LRBA: variants seen among roughly 807,000 people sequenced by gnomAD.
LRBA encodes the protein lipopolysaccharide-responsive and beige-like anchor protein.
In LRBA, 176 loss-of-function variants were observed where a neutral mutation model predicts 330.0. The observed-to-expected ratio is 0.53, with a 90% CI of 0.47 to 0.60. The LOEUF is 0.60. Ranked by LOEUF, LRBA falls within the 20% of genes least tolerant of loss-of-function variation. LRBA has a pLI of 0.00. For missense variants in LRBA, 3,259 were observed against 3,444.8 expected (o/e 0.95, Z 1.35); for synonymous variants, 1,230 against 1,193.0 (o/e 1.03, Z -0.64).
chr4:150,659,712 CGGG>C (rs1780758820), intron 37 of LRBA, among the ~76,000 whole-genome samples: 1 of 6,728 alleles, frequency 1.5e-4, no homozygotes, highest in African/African-American at 1.9e-4. Context: ...CCGTGCCATC[CGGG>C]AGGGAGGTGG....
intron 53 of LRBA, among the ~76,000 whole-genome samples, chr4:150,302,004 G>C (rs1228364231): frequency 6.6e-6 from 1 of 152,092 alleles, no homozygotes; most frequent in African/African-American, 2.4e-5. Context: ...TGTGCGATTG[G>C]TTTTAATGGT....
intron 32 of LRBA, among the ~76,000 whole-genome samples, chr4:150,807,478 G>T (rs1188879726): frequency 6.6e-6 from 1 of 152,122 alleles, no homozygotes; most frequent in Non-Finnish European, 1.5e-5. Context: ...GGACTCTCTG[G>T]ACACTAAGTC....
At chr4:150,715,174 C>T (rs576431523) in intron 36 of LRBA, among the ~76,000 whole-genome samples, 1 of 152,278 alleles carries the variant, frequency 6.6e-6, no homozygotes, top group South Asian at 2.1e-4. Flanking sequence ...CACAATCAGA[C>T]CTCGTATTGA....
At chr4:150,792,310 A>G (rs1034506196) in intron 34 of LRBA, among the ~76,000 whole-genome samples, 1 of 152,126 alleles carries the variant, frequency 6.6e-6, no homozygotes, top group Non-Finnish European at 1.5e-5. Flanking sequence ...TTCAGCAGTA[A>G]GTAAAACTAA....
At chr4:150,806,477 T>C in intron 32 of LRBA, 73 bp from the exon 33 acceptor site, 3 of 916,222 alleles carry the variant, frequency 3.3e-6, no homozygotes, top group Non-Finnish European at 4.5e-6. Flanking sequence ...AAAATAAAGA[T>C]GTATTTCCAT....
At chr4:150,994,686 A>G (rs1742452554) in intron 2 of LRBA, among the ~76,000 whole-genome samples, 1 of 152,226 alleles carries the variant, frequency 6.6e-6, no homozygotes, top group African/African-American at 2.4e-5. Context: ...ACAAATTTTA[A>G]CAAAGACCAT....
Position 150,831,944 on chromosome 4 carries a change from C to T in LRBA, c.4602G>A (p.Leu1534=). ...GAACAGAGATAAAGTATACTACTGC[C>T]AAGGCTAAAAATTGAGCTTGTTTGC... ...EDSKQAQFLA[L]AVVYFISVLM... Residue 1534 remains leucine, a synonymous_variant, in exon 29 of 57, where the codon TTG becomes TTA. Transcript: ENST00000651943. 1 of 1,544,156 alleles carries T rather than the reference C, an allele frequency of 6.5e-7. No individual in the cohort carries two copies. The highest frequency in any genetic ancestry group is 8.8e-7 in the Non-Finnish European group (1 of 1,141,656).
intron 48 of LRBA, among the ~76,000 whole-genome samples, chr4:150,345,305 T>C (rs1561044027): frequency 6.6e-6 from 1 of 152,200 alleles, no homozygotes; most frequent in African/African-American, 2.4e-5. Flanking sequence ...AGTAAAAGGT[T>C]GTTGAAAAAA....
At chr4:150,722,084 T>C (rs1231882945) in intron 36 of LRBA, among the ~76,000 whole-genome samples, 5 of 152,148 alleles carry the variant, frequency 3.3e-5, no homozygotes, top group African/African-American at 1.2e-4. Flanking sequence ...CTCATGCCCT[T>C]CCATTGCAAT....
intron 2 of LRBA, among the ~76,000 whole-genome samples, chr4:150,949,696 G>T (rs1736619990): frequency 6.6e-6 from 1 of 151,996 alleles, no homozygotes; most frequent in Non-Finnish European, 1.5e-5. Flanking sequence ...CCATTGAAAA[G>T]AAAACTATAT....
chr4:150,856,121 T>C lies in LRBA; in HGVS notation c.2767-3178A>G, dbSNP rs575903397. Among the ~76,000 whole-genome samples the C allele has an allele frequency of 2.0e-5, 3 of 152,282 alleles. No individual in the cohort carries two copies. The South Asian group carries it at 6.2e-4, about 32-fold the overall frequency. On this transcript the variant is annotated intron_variant, in intron 22 of 56. Coordinates refer to ENST00000651943, the MANE Select transcript of LRBA (RefSeq NM_001364905.1). ...CATGGTGAACCTCTACCCTAAGAAG[T>C]AGGTCGAAGCACAGCATGTCTTTGT...
intron 36 of LRBA, among the ~76,000 whole-genome samples, chr4:150,705,330 T>C (rs951423680): frequency 1.6e-4 from 25 of 152,182 alleles, no homozygotes; most frequent in Middle Eastern, 3.4e-3. Flanking sequence ...TAAAGAAATA[T>C]GGCAGATTTT....
At chr4:150,489,286 A>AC (rs1561250534) in intron 41 of LRBA, among the ~76,000 whole-genome samples, 3 of 90,518 alleles carry the variant, frequency 3.3e-5, no homozygotes, top group East Asian at 6.7e-4. Context: ...TATTATATAT[A>AC]AGAATATATA....
At chr4:150,597,302 A>C (rs1773608011) in intron 38 of LRBA, among the ~76,000 whole-genome samples, 1 of 151,952 alleles carries the variant, frequency 6.6e-6, no homozygotes, top group Admixed American at 6.6e-5. Flanking sequence ...ATATGATTTT[A>C]AGAGCTCAAC....
At chr4:150,733,269 A>C (rs1387053626) in intron 36 of LRBA, among the ~76,000 whole-genome samples, 1 of 152,040 alleles carries the variant, frequency 6.6e-6, no homozygotes, top group Non-Finnish European at 1.5e-5. Flanking sequence ...TGGTATATTA[A>C]GTAACAGCAT....
In LRBA at chr4:150,529,918, TC is replaced by T. The variant is rs201278823; in HGVS notation, c.6331-38884del. Among the ~76,000 whole-genome samples the T allele has an allele frequency of 8.3e-4, 126 of 152,294 alleles. No individual in the cohort carries two copies. The East Asian group carries it at 0.02, about 25-fold the overall frequency. ...TTCTGTTGATCTTCTTCTATCTATT[TC>T]GCATTATACTTTTCTTTCTAGAGTA... On this transcript the variant is annotated intron_variant, in intron 40 of 56. Coordinates refer to ENST00000651943, the MANE Select transcript of LRBA (RefSeq NM_001364905.1).
intron 34 of LRBA, among the ~76,000 whole-genome samples, chr4:150,786,386 G>A (rs546770268): frequency 5.9e-5 from 9 of 151,900 alleles, no homozygotes; most frequent in Admixed American, 3.3e-4. Context: ...TGGGACTACA[G>A]GCACCCGCCA....
intron 40 of LRBA, among the ~76,000 whole-genome samples, chr4:150,533,483 T>TG (rs1314485888): frequency 6.6e-6 from 1 of 152,076 alleles, no homozygotes; most frequent in Non-Finnish European, 1.5e-5. Context: ...AAACCCATTT[T>TG]TTTTTAATTA....
At chr4:150,928,327 A>C (rs1440424652) in intron 4 of LRBA, among the ~76,000 whole-genome samples, 189 bp downstream of exon 4, 1 of 152,194 alleles carries the variant, frequency 6.6e-6, no homozygotes, top group Non-Finnish European at 1.5e-5. Context: ...CTGAAACACC[A>C]TTATCTTAGT....
Sources: gnomAD v4.1 joint callset for allele counts (sites outside exome capture counted in the v4.1 genomes callset) on GRCh38, gnomAD v4.1.1 for gene constraint, MANE v1.5 for transcripts, NCBI Gene and HGNC (gene_info 2026-07-23, HGNC 2026-07-21) for gene names.